AGBL1: variants seen among roughly 807,000 people sequenced by gnomAD.
AGBL1 encodes the protein cytosolic carboxypeptidase 4.
In AGBL1, 130 loss-of-function variants were observed where a neutral mutation model predicts 118.9. That is an observed-to-expected ratio of 1.09 (90% CI 0.95 to 1.26). AGBL1 has a LOEUF of 1.26. Ranked by LOEUF, AGBL1 falls within the 50% of genes most tolerant of loss-of-function variation. The pLI is 0.00. For synonymous variants in AGBL1, 555 were observed against 478.9 expected (o/e 1.16, Z -2.08); for missense variants, 1,584 against 1,298.1 (o/e 1.22, Z -3.38).
chr15:86,700,430 T>TGTAG, intron 22 of AGBL1, among the ~76,000 whole-genome samples: 1 of 151,312 alleles, frequency 6.6e-6, no homozygotes, highest in African/African-American at 2.4e-5. Flanking sequence ...TAAACCAAGA[T>TGTAG]GTAGGTGTTG....
chr15:86,427,502 C>T lies in AGBL1; in HGVS notation c.2555+29956C>T, dbSNP rs184562724. On this transcript the variant is annotated intron_variant, in intron 18 of 22. Coordinates refer to ENST00000614907, the MANE Select transcript of AGBL1 (RefSeq NM_001386094.1). ...TATTTTTTTTTCAGTCTGTTTGAAG[C>T]ATTGAGACCCACAGTTCATGATAAA... Among the ~76,000 whole-genome samples the T allele has an allele frequency of 5.5e-4, 82 of 149,328 alleles. No homozygotes were observed. In the South Asian group the frequency reaches 0.012, roughly 22 times the overall value.
intron 5 of AGBL1, among the ~76,000 whole-genome samples, chr15:86,170,698 T>G (rs971139211): frequency 8.6e-5 from 13 of 151,522 alleles, no homozygotes; most frequent in Middle Eastern, 3.2e-3. Flanking sequence ...ATACAAAAAT[T>G]AGCTGGGCAT....
At chr15:86,081,772 C>T (rs77594931) in intron 1 of AGBL1, among the ~76,000 whole-genome samples, 17 of 152,124 alleles carry the variant, frequency 1.1e-4, no homozygotes, top group African/African-American at 4.1e-4. Context: ...ATTTTCCTTG[C>T]ACTAGCTGTC....
At chr15:86,096,906 T>C (rs564927423) in intron 1 of AGBL1, among the ~76,000 whole-genome samples, 2 of 152,174 alleles carry the variant, frequency 1.3e-5, no homozygotes, top group African/African-American at 2.4e-5. Flanking sequence ...TAATCAGATA[T>C]CTTTTTTCAT....
At chr15:86,181,956 T>C (rs1676462434) in intron 5 of AGBL1, among the ~76,000 whole-genome samples, 1 of 152,112 alleles carries the variant, frequency 6.6e-6, no homozygotes, top group South Asian at 2.1e-4. Flanking sequence ...AATTAGATCA[T>C]GCATTCATTC....
At chr15:86,587,973 G>A (rs1596293115) in intron 21 of AGBL1, among the ~76,000 whole-genome samples, 1 of 152,090 alleles carries the variant, frequency 6.6e-6, no homozygotes, top group African/African-American at 2.4e-5. Context: ...CTCTGAAAAA[G>A]TAACTGCTTT....
At chr15:86,616,962 T>C (rs1256031884) in intron 21 of AGBL1, among the ~76,000 whole-genome samples, 1 of 152,210 alleles carries the variant, frequency 6.6e-6, no homozygotes, top group East Asian at 1.9e-4. Context: ...GATTGCTTGC[T>C]GGTAGGGCAG....
chr15:86,784,607 C>A (rs1269374278), intron 22 of AGBL1, among the ~76,000 whole-genome samples: 1 of 152,168 alleles, frequency 6.6e-6, no homozygotes, highest in Non-Finnish European at 1.5e-5. Context: ...GGCTTTGATT[C>A]AGGCTGACCC....
At chr15:86,674,218 C>T (rs2085795801) in intron 21 of AGBL1, 55 bp from the exon 22 acceptor site, 1 of 1,511,232 alleles carries the variant, frequency 6.6e-7, no homozygotes, top group Non-Finnish European at 9.0e-7. Flanking sequence ...TTCAAAGTGT[C>T]ACCACTCAGC....
chr15:86,738,676 G>T (rs146549949), intron 22 of AGBL1, among the ~76,000 whole-genome samples: 1 of 152,238 alleles, frequency 6.6e-6, no homozygotes, highest in East Asian at 1.9e-4. Flanking sequence ...CATGAAATGG[G>T]GTTCTGAAGT....
intron 23 of AGBL1, among the ~76,000 whole-genome samples, chr15:86,927,188 C>A (rs183678575): frequency 2.6e-4 from 40 of 151,918 alleles, no homozygotes; most frequent in Admixed American, 6.6e-4. Flanking sequence ...AAAATAAAAT[C>A]TCCACTCTAG....
chr15:86,631,967 A>C (rs2084976525), intron 21 of AGBL1, among the ~76,000 whole-genome samples: 1 of 151,550 alleles, frequency 6.6e-6, no homozygotes, highest in Admixed American at 6.6e-5. Flanking sequence ...AGGCAGAAGG[A>C]TCTCTTGAAA....
intron 22 of AGBL1, among the ~76,000 whole-genome samples, chr15:86,739,316 G>A (rs1337562620): frequency 6.6e-6 from 1 of 151,996 alleles, no homozygotes; most frequent in Non-Finnish European, 1.5e-5. Flanking sequence ...GGTGGCACAT[G>A]CCTGTAATCC....
intron 22 of AGBL1, among the ~76,000 whole-genome samples, chr15:86,701,096 G>A (rs900262704): frequency 4.6e-5 from 7 of 152,088 alleles, no homozygotes; most frequent in Admixed American, 1.3e-4. Flanking sequence ...TGTCAGCCTC[G>A]GATCATTTGC....
chr15:86,693,454 A>AT (rs1011510025), intron 22 of AGBL1, among the ~76,000 whole-genome samples: 1 of 151,754 alleles, frequency 6.6e-6, no homozygotes, highest in South Asian at 2.1e-4. Flanking sequence ...GGGATTGTTA[A>AT]TTTTTTTCTT....
At chr15:86,580,010 T>C (rs577574170) in intron 21 of AGBL1, among the ~76,000 whole-genome samples, 1 of 152,226 alleles carries the variant, frequency 6.6e-6, no homozygotes, top group Non-Finnish European at 1.5e-5. Context: ...GAACTACCAA[T>C]TTCTTTTGAT....
intron 21 of AGBL1, among the ~76,000 whole-genome samples, chr15:86,650,122 A>G (rs576439269): frequency 3.3e-5 from 5 of 152,294 alleles, no homozygotes; most frequent in South Asian, 2.1e-4. Flanking sequence ...CACAGGGGGC[A>G]TTTAGTTTTG....
intron 23 of AGBL1, among the ~76,000 whole-genome samples, chr15:86,943,497 A>G (rs2080779567): frequency 6.6e-6 from 1 of 152,114 alleles, no homozygotes; most frequent in South Asian, 2.1e-4. Flanking sequence ...GACCTTGAGG[A>G]TGTGGTGTCT....
intron 18 of AGBL1, among the ~76,000 whole-genome samples, chr15:86,450,374 G>T (rs529031279): frequency 6.0e-4 from 91 of 152,202 alleles, no homozygotes; most frequent in South Asian, 3.3e-3. Context: ...TTTTTATAAG[G>T]CTCCCTGGCT....
Sources: gnomAD v4.1 joint callset for allele counts (sites outside exome capture counted in the v4.1 genomes callset) on GRCh38, gnomAD v4.1.1 for gene constraint, MANE v1.5 for transcripts, NCBI Gene and HGNC (gene_info 2026-07-23, HGNC 2026-07-21) for gene names.